Variants in COL25A1 observed in about 807,000 individuals in gnomAD.
The protein encoded by COL25A1 is collagen alpha-1(XXV) chain.
In COL25A1, 103 loss-of-function variants were observed where a neutral mutation model predicts 128.4. The ratio of observed to expected loss-of-function variants is 0.80; its 90% CI spans 0.68 to 0.94. The LOEUF is 0.94. Ranked by LOEUF, COL25A1 falls within the 40% of genes least tolerant of loss-of-function variation. The pLI is 0.00. For missense variants in COL25A1, 745 were observed against 840.0 expected (o/e 0.89, Z 1.40); for synonymous variants, 279 against 277.2 (o/e 1.01, Z -0.06).
chr4:109,063,959 G>A (rs187894928), intron 3 of COL25A1, among the ~76,000 whole-genome samples: 55 of 152,258 alleles, frequency 3.6e-4, no homozygotes, highest in African/African-American at 1.3e-3. Flanking sequence ...CGGAACCTAA[G>A]GCACAGTGAT....
chr4:108,819,221 T>C, intron 36 of COL25A1, 31 bp downstream of exon 36: 1 of 1,528,760 alleles, frequency 6.5e-7, no homozygotes, highest in Non-Finnish European at 8.9e-7. Context: ...AGGAACTGCA[T>C]GCAGGGTGGT....
At chr4:108,932,138 T>G (rs897528668) in intron 11 of COL25A1, among the ~76,000 whole-genome samples, 2 of 152,192 alleles carry the variant, frequency 1.3e-5, no homozygotes, top group African/African-American at 4.8e-5. Flanking sequence ...TGCCATCTGC[T>G]GATCAAGATA....
At chr4:108,865,966 C>A (rs185080303) in intron 20 of COL25A1, among the ~76,000 whole-genome samples, 5 of 152,194 alleles carry the variant, frequency 3.3e-5, no homozygotes, top group Admixed American at 6.5e-5. Context: ...CTTATTAGTT[C>A]CCTATCACTC....
At chr4:108,926,889 C>T (rs560936847) in intron 11 of COL25A1, among the ~76,000 whole-genome samples, 6 of 151,928 alleles carry the variant, frequency 3.9e-5, no homozygotes, top group African/African-American at 1.4e-4. Context: ...GTGGAAATGC[C>T]AACTAGAAAC....
chr4:109,273,187 T>C (rs1217005530), intron 3 of COL25A1, among the ~76,000 whole-genome samples: 1 of 152,164 alleles, frequency 6.6e-6, no homozygotes, highest in Non-Finnish European at 1.5e-5. Context: ...CTCACTAAGA[T>C]ACTTCATTCT....
At chr4:109,198,377 T>A (rs566436018) in intron 3 of COL25A1, among the ~76,000 whole-genome samples, 4 of 151,832 alleles carry the variant, frequency 2.6e-5, no homozygotes, top group African/African-American at 9.7e-5. Flanking sequence ...AAAACCGATG[T>A]TCAGAACACA....
intron 5 of COL25A1, among the ~76,000 whole-genome samples, chr4:109,043,365 T>C (rs3096470): frequency 0.5 from 76,415 of 151,892 alleles, 21,331 homozygotes; most frequent in African/African-American, 0.73. Context: ...AATAGCATTG[T>C]AAGCTTAACT....
intron 28 of COL25A1, 88 bp from the exon 29 acceptor site, chr4:108,845,339 T>C (rs1359327744): frequency 1.0e-6 from 1 of 1,000,838 alleles, no homozygotes; most frequent in Non-Finnish European, 1.6e-6. Context: ...CCCATTGTTC[T>C]CTTGACATTT....
intron 5 of COL25A1, among the ~76,000 whole-genome samples, chr4:109,032,920 G>A (rs1053960387): frequency 6.6e-6 from 1 of 152,204 alleles, no homozygotes; most frequent in Non-Finnish European, 1.5e-5. Context: ...CCCGCCTGGA[G>A]CATGGCTGAC....
intron 32 of COL25A1, among the ~76,000 whole-genome samples, chr4:108,830,481 G>A (rs1340188418): frequency 3.3e-5 from 5 of 152,172 alleles, no homozygotes; most frequent in African/African-American, 9.7e-5. Context: ...ACTTTTTCAG[G>A]AGAGTCCAGA....
At chr4:108,967,854 C>G (rs1239486146) in intron 8 of COL25A1, among the ~76,000 whole-genome samples, 1 of 152,108 alleles carries the variant, frequency 6.6e-6, no homozygotes, top group East Asian at 1.9e-4. Flanking sequence ...TGTGTAATCT[C>G]TACTTAAATA....
chr4:109,059,067 A>G (rs1395443960), intron 3 of COL25A1, among the ~76,000 whole-genome samples: 1 of 152,230 alleles, frequency 6.6e-6, no homozygotes, highest in Non-Finnish European at 1.5e-5. Flanking sequence ...TGGAAGCCAG[A>G]GAACCTAATG....
At position 109,278,536 on chromosome 4, in the gene COL25A1, A is replaced by C. The variant is rs552083508; in HGVS notation, c.367+22047T>G. 8.6e-4 allele frequency among the ~76,000 whole-genome samples: 131 copies of C among 152,328 alleles called. 1 individual carries two copies. Among genetic ancestry groups the C allele is most frequent in the Middle Eastern group, 3.4e-3 (1 of 294 alleles). On this transcript the variant is annotated intron_variant, in intron 3 of 37. Transcript: ENST00000399132. ...GCTCCTTGAGTATTCTGAAAAACTA[A>C]ATATACTATCAAATATATATGAAAT...
chr4:108,911,229 A>G (rs1401831529), intron 13 of COL25A1, among the ~76,000 whole-genome samples: 4 of 152,192 alleles, frequency 2.6e-5, no homozygotes, highest in Non-Finnish European at 2.9e-5. Context: ...GTGTTTTAGG[A>G]ACAGAATTCT....
chr4:109,011,862 C>T (rs1267632631), intron 5 of COL25A1, among the ~76,000 whole-genome samples: 1 of 152,226 alleles, frequency 6.6e-6, no homozygotes, highest in Non-Finnish European at 1.5e-5. Flanking sequence ...CAGCATGAAT[C>T]TTTGCTTCCA....
intron 6 of COL25A1, among the ~76,000 whole-genome samples, chr4:109,000,813 G>A (rs1334750897): frequency 1.4e-5 from 2 of 140,958 alleles, no homozygotes; most frequent in Admixed American, 7.1e-5. Flanking sequence ...CAGAAAAAGG[G>A]AGAAATTACA....
At chr4:108,978,355 G>A (rs532551895) in intron 6 of COL25A1, among the ~76,000 whole-genome samples, 1 of 152,278 alleles carries the variant, frequency 6.6e-6, no homozygotes, top group African/African-American at 2.4e-5. Flanking sequence ...TCTTCCTTCC[G>A]AATTGGACCC....
intron 3 of COL25A1, among the ~76,000 whole-genome samples, chr4:109,101,881 C>A (rs1279186280): frequency 6.6e-6 from 1 of 152,160 alleles, no homozygotes; most frequent in African/African-American, 2.4e-5. Flanking sequence ...CCCTGTCCCC[C>A]ATGAAAACTC....
intron 3 of COL25A1, among the ~76,000 whole-genome samples, chr4:109,072,383 T>C (rs1763042268): frequency 6.6e-6 from 1 of 152,176 alleles, no homozygotes; most frequent in Non-Finnish European, 1.5e-5. Context: ...TTTCATAAGC[T>C]CAGTTTATGT....
Sources: allele counts gnomAD v4.1 joint callset (sites outside exome capture counted in the v4.1 genomes callset), GRCh38; gene constraint gnomAD v4.1.1; transcripts MANE v1.5; gene names NCBI Gene and HGNC (gene_info 2026-07-23, HGNC 2026-07-21).